DDX27: variants seen among roughly 807,000 people sequenced by gnomAD.
DDX27 encodes the protein DEAD-box helicase 27.
In DDX27, 42 loss-of-function variants were observed where a neutral mutation model predicts 99.3. The ratio of observed to expected loss-of-function variants is 0.42; its 90% CI spans 0.33 to 0.55. The LOEUF (loss-of-function observed/expected upper bound fraction) is 0.55, where lower values mean the gene tolerates loss of function less well. Among genes scored for constraint, DDX27 ranks in the 20% least tolerant of loss-of-function variants. DDX27 has a pLI of 0.07. For missense variants in DDX27, 798 were observed against 976.8 expected, an observed-to-expected ratio of 0.82 and a Z score of 2.44; for synonymous variants, 329 against 353.8, an observed-to-expected ratio of 0.93 and a Z score of 0.79.
chr20:49,226,279 C>G (rs1024104155), intron 6 of DDX27, 151 bp from the exon 7 acceptor site: 61 of 563,412 alleles, frequency 1.1e-4, no homozygotes, highest in East Asian at 9.5e-4. Flanking sequence ...AGAGCACCAC[C>G]TCACACATAG....
chr20:49,228,943 A>T, intron 8 of DDX27, 55 bp downstream of exon 8: 1 of 1,450,334 alleles, frequency 6.9e-7, no homozygotes, highest in Non-Finnish European at 9.2e-7. Context: ...GGGGTGGAGG[A>T]TGGATGTGCC....
chr20:49,219,797 C>T (rs1406527700), intron 1 of DDX27, among the ~76,000 whole-genome samples: 1 of 152,136 alleles, frequency 6.6e-6, no homozygotes, highest in African/African-American at 2.4e-5. Context: ...TATTTAACCA[C>T]GCCCTGTGTA....
rs768865635 is a variant in DDX27 at position 49,226,484 on chromosome 20, C to T, written c.655C>T (p.Pro219Ser). The T allele has an allele frequency of 3.1e-6, 5 of 1,614,034 alleles. No individual in the cohort carries two copies. Among genetic ancestry groups the T allele is most frequent in the Non-Finnish European group, 3.4e-6 (4 of 1,179,994 alleles). ...CACCCCGATCCAGAAGGCGTGCATA[C>T]CTGTGGGTCTATTGGGGAAGGACAT... ...QPTPIQKACI[P>S]VGLLGKDICA... The change falls in exon 7 of 21, where the codon CCT becomes TCT. Residue 219 changes from proline (P) to serine (S), a missense_variant. Transcript: ENST00000618172.
chr20:49,227,807 G>T (rs1979953647), intron 7 of DDX27, among the ~76,000 whole-genome samples: 1 of 151,600 alleles, frequency 6.6e-6, no homozygotes, highest in South Asian at 2.1e-4. Context: ...TGTGACCATG[G>T]CCTCCTGGCC....
Position 49,230,190 on chromosome 20 carries a change from T to C in DDX27, c.881-9T>C. 6.2e-7 allele frequency: 1 copy of C among 1,608,402 alleles called. No homozygotes were observed. Among genetic ancestry groups the C allele is most frequent in the Non-Finnish European group, 8.5e-7 (1 of 1,177,916 alleles). ...CTGGCCGCCTGGTGGGGCTCTCTTCTCTTTGCAGGCGGCTTGGATGTGAAG... is the reference window on the plus strand; with the variant it reads ...CTGGCCGCCTGGTGGGGCTCTCTTCCCTTTGCAGGCGGCTTGGATGTGAAG... On this transcript the variant is annotated splice_polypyrimidine_tract_variant and intron_variant, in intron 8 of 20. Transcript: ENST00000618172.
intron 7 of DDX27, among the ~76,000 whole-genome samples, chr20:49,226,737 ATCGAT>A (rs1222044287): frequency 6.6e-6 from 1 of 151,682 alleles, no homozygotes; most frequent in African/African-American, 2.4e-5. Context: ...GGTTCAAGCG[ATCGAT>A]TTTCCCATCT....
At chr20:49,229,863 C>T (rs1980039293) in intron 8 of DDX27, among the ~76,000 whole-genome samples, 1 of 152,056 alleles carries the variant, frequency 6.6e-6, no homozygotes, top group Non-Finnish European at 1.5e-5. Flanking sequence ...GTAGGCTGGT[C>T]TCGAATTCCT....
chr20:49,237,766 G>C (rs762417595), intron 14 of DDX27, among the ~76,000 whole-genome samples: 1 of 152,194 alleles, frequency 6.6e-6, no homozygotes, highest in Non-Finnish European at 1.5e-5. Context: ...GCAAAGTGCT[G>C]AGCTGAGAGA....
At position 49,239,066 on chromosome 20, in the gene DDX27, G is replaced by A. The variant is rs756017272; in HGVS notation, c.1794+11G>A. 8 of 1,607,450 alleles carry A rather than the reference G, an allele frequency of 5.0e-6. 1 individual carries two copies. The highest frequency in any genetic ancestry group is 2.2e-5 in the South Asian group (2 of 90,926). ...CAGTCAGAAGCCCAGGTGAGGCTGC[G>A]AGGCGGGATCTTGTTCACAAGGCTG... On this transcript the variant is annotated intron_variant, in intron 15 of 20. Transcript: ENST00000618172.
chr20:49,226,857 C>CTTTTTTTTTTT lies in DDX27; in HGVS notation c.706+335_706+345dup, dbSNP rs36048579. ...CTGGTGCAATTGAGAGAGTAAAGGACTTTTTTTTTTTTTTTTTTTTTTTGA... is the reference window on the plus strand; with the variant it reads ...CTGGTGCAATTGAGAGAGTAAAGGACTTTTTTTTTTTTTTTTTTTTTTTTTTTTTTTTTTGA... On this transcript the variant is annotated intron_variant, in intron 7 of 20. Transcript: ENST00000618172. 6.8e-4 allele frequency among the ~76,000 whole-genome samples: 43 copies of CTTTTTTTTTTT among 63,464 alleles called. 12 individuals are homozygous for CTTTTTTTTTTT. The highest frequency in any genetic ancestry group is 9.5e-4 in the East Asian group (2 of 2,098). 41.6% of individuals were successfully genotyped at this position (63,464 alleles called of 152,430 possible). A position where few individuals can be genotyped will look rare whatever the true frequency, so the allele number is the denominator to read the frequency against.
intron 12 of DDX27, 153 bp downstream of exon 12, chr20:49,235,241 G>T (rs1980264125): frequency 1.2e-6 from 1 of 836,504 alleles, no homozygotes; most frequent in Non-Finnish European, 1.8e-6. Flanking sequence ...CCACTGTGAG[G>T]TCATGTCTTA....
chr20:49,239,272 G>A lies in DDX27; in HGVS notation c.1831G>A (p.Glu611Lys). 1 of 1,614,154 alleles carries A rather than the reference G, an allele frequency of 6.2e-7. No homozygotes were observed. The highest frequency in any genetic ancestry group is 1.1e-5 in the South Asian group (1 of 91,082). The stretch of plus-strand genomic sequence containing the variant: ...AAAGCGGCTCCTGGAGAAGGGGAAG[G>A]AGGCAGTGGTCCAAGAGCCCGAGAG... ...TAKRLLEKGK[E>K]AVVQEPERSW... Residue 611 changes from glutamate (E) to lysine (K), a missense_variant, in exon 16 of 21, where the codon GAG becomes AAG. Glu to Lys is a moderately conservative substitution (Grantham distance 56). Around this residue, in one of 2 missense-constraint regions of DDX27, gnomAD observed 553 missense variants for 727.9 expected, o/e 0.76. Transcript: ENST00000618172.
intron 6 of DDX27, 103 bp downstream of exon 6, chr20:49,225,302 C>T (rs936482392): frequency 2.0e-6 from 2 of 976,102 alleles, no homozygotes; most frequent in African/African-American, 1.6e-5. Context: ...CTTGCCTCAA[C>T]CTCCCAGAGT....
chr20:49,243,887 G>C lies in DDX27; in HGVS notation c.*53G>C. 2 of 1,608,170 alleles carry C rather than the reference G, an allele frequency of 1.2e-6. No homozygotes were observed. The highest frequency in any genetic ancestry group is 2.2e-5 in the South Asian group (2 of 90,658). ...GGCAGCCCTTAAATCCCTTCCCTGT[G>C]GGAAGTCATCCTGGCTGGTCTGTCT... On this transcript the variant is annotated 3_prime_UTR_variant, in exon 21 of 21. Coordinates refer to ENST00000618172, the MANE Select transcript of DDX27 (RefSeq NM_017895.8).
Position 49,224,988 on chromosome 20 carries a change from A to C in DDX27, c.510A>C (p.Gly170=), listed in dbSNP as rs750542021. 1 of 1,614,058 alleles carries C rather than the reference A, an allele frequency of 6.2e-7. No individual in the cohort carries two copies. The highest frequency in any genetic ancestry group is 2.2e-5 in the East Asian group (1 of 44,898). Residue 170 remains glycine, a synonymous_variant, in exon 5 of 21, where the codon GGA becomes GGC. Transcript: ENST00000618172. ...ATCGGAAGAAGAAGAAGAAGAAAGG[A>C]CAGGTGAGCTTGGGGCTGCAAGACA... ...VKDRKKKKKK[G]QEAGGFFEDA...
At chr20:49,227,199 T>G (rs909103124) in intron 7 of DDX27, among the ~76,000 whole-genome samples, 1 of 152,058 alleles carries the variant, frequency 6.6e-6, no homozygotes, top group Admixed American at 6.5e-5. Flanking sequence ...CCACTTTATT[T>G]TGAAGTATTT....
rs200539083 is a variant in DDX27 at position 49,228,806 on chromosome 20, C to A, written c.798C>A (p.Pro266=). ...TCACCCGCGTGCTGGTGCTAGTGCC[C>A]ACCCGAGAGCTGGGCATCCAGGTGC... is the stretch of plus-strand genomic sequence containing the variant. ...APVTRVLVLV[P]TRELGIQVHS... Residue 266 remains proline, a synonymous_variant, in exon 8 of 21, where the codon CCC becomes CCA. Coordinates refer to ENST00000618172, the MANE Select transcript of DDX27 (RefSeq NM_017895.8). 34 of 1,613,296 alleles carry A rather than the reference C, an allele frequency of 2.1e-5. No homozygotes were observed. In the African/African-American group the frequency reaches 3.7e-4, roughly 18 times the overall value.
intron 3 of DDX27, 52 bp downstream of exon 3, chr20:49,223,068 A>C: frequency 6.5e-7 from 1 of 1,536,226 alleles, no homozygotes; most frequent in Non-Finnish European, 9.0e-7. Context: ...CTTTACTCTC[A>C]CCACGACCCC....
chr20:49,239,424 A>G (rs1253783720), intron 16 of DDX27, 86 bp downstream of exon 16: 11 of 989,254 alleles, frequency 1.1e-5, no homozygotes, highest in Admixed American at 2.7e-5. Flanking sequence ...TATACTGTAA[A>G]GCAGCGGTCC....
Sources: gnomAD v4.1 joint callset for allele counts (sites outside exome capture counted in the v4.1 genomes callset) on GRCh38, gnomAD v4.1.1 for gene constraint, gnomAD v4.1.1 regional missense constraint, MANE v1.5 for transcripts, NCBI Gene and HGNC (gene_info 2026-07-23, HGNC 2026-07-21) for gene names.